Variants in SETBP1 observed in about 807,000 individuals in gnomAD.
The protein encoded by SETBP1 is SET-binding protein.
SETBP1 carries 9 observed loss-of-function variants against 101.0 expected under a neutral mutation model. The observed-to-expected ratio is 0.09, with a 90% CI of 0.05 to 0.16. SETBP1 has a LOEUF of 0.16. Ranked by LOEUF, SETBP1 falls within the 10% of genes least tolerant of loss-of-function variation. SETBP1 has a pLI of 1.00. For synonymous variants in SETBP1, 818 were observed against 788.5 expected (o/e 1.04, Z -0.63); for missense variants, 1,858 against 2,033.8 (o/e 0.91, Z 1.66).
At chr18:44,890,116 G>T (rs542380201) in intron 3 of SETBP1, among the ~76,000 whole-genome samples, 135 of 151,936 alleles carry the variant, frequency 8.9e-4, no homozygotes, top group Middle Eastern at 3.4e-3. Flanking sequence ...TCAATTTCCA[G>T]GTATACAATA....
intron 2 of SETBP1, among the ~76,000 whole-genome samples, chr18:44,861,856 A>G (rs2069020183): frequency 1.3e-5 from 2 of 152,224 alleles, no homozygotes; most frequent in Admixed American, 6.5e-5. Flanking sequence ...AACAAATTAT[A>G]TGTCAAGTTT....
chr18:44,990,231 G>A (rs1052372788), intron 4 of SETBP1, among the ~76,000 whole-genome samples: 2 of 152,068 alleles, frequency 1.3e-5, no homozygotes, highest in Admixed American at 1.3e-4. Context: ...CGAGAAAGAA[G>A]GTTGGAGATG....
At chr18:44,744,851 C>T (rs1322793375) in intron 2 of SETBP1, among the ~76,000 whole-genome samples, 2 of 151,834 alleles carry the variant, frequency 1.3e-5, no homozygotes, top group African/African-American at 4.8e-5. Flanking sequence ...CCCCTGAATG[C>T]TGTCCCCTCA....
At chr18:44,822,515 C>T (rs1487544036) in intron 2 of SETBP1, among the ~76,000 whole-genome samples, 1 of 152,110 alleles carries the variant, frequency 6.6e-6, no homozygotes, top group Non-Finnish European at 1.5e-5. Flanking sequence ...GCTGTTCATC[C>T]CAAAATTTCC....
Position 45,067,919 on chromosome 18 carries a change from C to T in SETBP1, c.*4221C>T, listed in dbSNP as rs933449014. ...ACTGGTCAACGTGGAAGGGCGGTTC[C>T]ACCCTAGATTGGTGTCTTTCTTTTT... On this transcript the variant is annotated 3_prime_UTR_variant, in exon 6 of 6. Transcript: ENST00000649279. 7 of 152,208 alleles carry T rather than the reference C, an allele frequency of 4.6e-5. No homozygotes were observed. The highest frequency in any genetic ancestry group is 2.0e-4 in the Admixed American group (3 of 15,280). 9.4% of individuals were successfully genotyped at this position (152,208 alleles called of 1,614,324 possible).
At chr18:44,691,431 G>A (rs917851142) in intron 1 of SETBP1, among the ~76,000 whole-genome samples, 4 of 145,924 alleles carry the variant, frequency 2.7e-5, no homozygotes, top group African/African-American at 1.0e-4. Flanking sequence ...CACAAGTAAC[G>A]CATCAAAGCC....
At chr18:44,802,442 G>A (rs2071626286) in intron 2 of SETBP1, among the ~76,000 whole-genome samples, 1 of 152,134 alleles carries the variant, frequency 6.6e-6, no homozygotes, top group Non-Finnish European at 1.5e-5. Flanking sequence ...AAGAATAAGC[G>A]ACAACTTTGC....
chr18:44,848,132 A>G (rs1212885665), intron 2 of SETBP1, among the ~76,000 whole-genome samples: 1 of 151,946 alleles, frequency 6.6e-6, no homozygotes, highest in Non-Finnish European at 1.5e-5. Context: ...AGGTGATTCT[A>G]TAGTGCAAGT....
chr18:44,854,378 A>G (rs2072931605), intron 2 of SETBP1, among the ~76,000 whole-genome samples: 1 of 152,176 alleles, frequency 6.6e-6, no homozygotes, highest in Non-Finnish European at 1.5e-5. Flanking sequence ...AGATTTCTCA[A>G]CGTGTTCTAC....
At chr18:44,967,330 G>A (rs908542214) in intron 4 of SETBP1, among the ~76,000 whole-genome samples, 4 of 152,222 alleles carry the variant, frequency 2.6e-5, no homozygotes, top group Non-Finnish European at 5.9e-5. Flanking sequence ...GACTGTCACG[G>A]CAAGAATGTG....
intron 3 of SETBP1, among the ~76,000 whole-genome samples, chr18:44,910,957 A>C (rs1284539545): frequency 1.3e-5 from 2 of 152,172 alleles, no homozygotes; most frequent in Non-Finnish European, 2.9e-5. Flanking sequence ...AAGGCCAGGG[A>C]AATTGTGGGT....
intron 2 of SETBP1, among the ~76,000 whole-genome samples, chr18:44,765,355 C>T (rs1028214879): frequency 6.6e-6 from 1 of 151,946 alleles, no homozygotes; most frequent in Non-Finnish European, 1.5e-5. Flanking sequence ...AACAAGATAG[C>T]GACACGAGGG....
At chr18:44,929,982 A>G (rs1242068672) in intron 3 of SETBP1, among the ~76,000 whole-genome samples, 10 of 152,230 alleles carry the variant, frequency 6.6e-5, no homozygotes, top group Admixed American at 2.0e-4. Context: ...GTTGAATAGG[A>G]GTGGTAAGAG....
chr18:44,827,552 G>A lies in SETBP1; in HGVS notation c.487-41678G>A, dbSNP rs190986486. On this transcript the variant is annotated intron_variant, in intron 2 of 5. Coordinates refer to ENST00000649279, the MANE Select transcript of SETBP1 (RefSeq NM_015559.3). Reference sequence around the variant, plus strand: ...TCACTATCAAATGTATATCATTGACGGTCTTTTGTGGTTTGCCCCTATGCT... The same window carrying A: ...TCACTATCAAATGTATATCATTGACAGTCTTTTGTGGTTTGCCCCTATGCT... 4.2e-4 allele frequency among the ~76,000 whole-genome samples: 64 copies of A among 152,140 alleles called. 2 individuals are homozygous for A. Among genetic ancestry groups the A allele is most frequent in the Middle Eastern group, 3.4e-3 (1 of 294 alleles).
In SETBP1 at chr18:44,951,650, G is replaced by T. The variant is rs373845529; in HGVS notation, c.2310G>T (p.Ala770=). The T allele has an allele frequency of 6.2e-7, 1 of 1,614,020 alleles. No homozygotes were observed. The highest frequency in any genetic ancestry group is 8.5e-7 in the Non-Finnish European group (1 of 1,180,036). Residue 770 remains alanine (A), a synonymous_variant, in exon 4 of 6, where the codon GCG becomes GCT. Coordinates refer to ENST00000649279, the MANE Select transcript of SETBP1 (RefSeq NM_015559.3). The surrounding 1 kb of genome is among the most constrained non-coding windows in gnomAD (Gnocchi z 7.8). ...CTTCCAACTTTCAGTCACTTGTGGC[G>T]TCTTCACCAGCAGCTATGCACCCAC... ...AVPSNFQSLV[A]SSPAAMHPLS...
chr18:44,726,064 C>G (rs1205343844), intron 2 of SETBP1, among the ~76,000 whole-genome samples: 3 of 151,980 alleles, frequency 2.0e-5, no homozygotes, highest in Non-Finnish European at 4.4e-5. Flanking sequence ...CTAAAAGATT[C>G]CTTCCCTCTG....
At chr18:44,704,409 T>C (rs985976811) in intron 2 of SETBP1, among the ~76,000 whole-genome samples, 1 of 152,240 alleles carries the variant, frequency 6.6e-6, no homozygotes, top group Non-Finnish European at 1.5e-5. Flanking sequence ...CAATGCACAG[T>C]GCTCTTTATG....
intron 2 of SETBP1, among the ~76,000 whole-genome samples, chr18:44,835,747 A>C (rs1357185419): frequency 1.3e-5 from 2 of 152,188 alleles, no homozygotes; most frequent in Non-Finnish European, 2.9e-5. Context: ...AGCCAGAGCA[A>C]AGCTGTGACT....
At chr18:44,717,269 T>C (rs181180705) in intron 2 of SETBP1, among the ~76,000 whole-genome samples, 6 of 152,342 alleles carry the variant, frequency 3.9e-5, no homozygotes, top group Middle Eastern at 3.4e-3. Context: ...GTTTTTCTGG[T>C]CCTTCCATTA....
Sources: allele counts gnomAD v4.1 joint callset (sites outside exome capture counted in the v4.1 genomes callset), GRCh38; gene constraint gnomAD v4.1.1; non-coding constraint Gnocchi (gnomAD v3.1); transcripts MANE v1.5; gene names NCBI Gene and HGNC (gene_info 2026-07-23, HGNC 2026-07-21).